The following CCSER1 variants were observed in gnomAD, a reference collection of about 807,000 sequenced individuals.
The protein encoded by CCSER1 is serine-rich coiled-coil domain-containing protein 1.
Under a neutral mutation model 82.0 loss-of-function variants are expected in CCSER1, and 41 were observed. The observed-to-expected ratio is 0.50, with a 90% CI of 0.39 to 0.65. CCSER1 has a LOEUF of 0.65. Ranked by LOEUF, CCSER1 falls within the 30% of genes least tolerant of loss-of-function variation. The probability of loss-of-function intolerance (pLI) is 0.00; values close to 1 mark genes in which losing one functional copy is unlikely to be tolerated. For synonymous variants in CCSER1, 414 were observed against 383.9 expected (o/e 1.08, Z -0.92); for missense variants, 1,119 against 1,064.2 (o/e 1.05, Z -0.72).
intron 10 of CCSER1, among the ~76,000 whole-genome samples, chr4:91,568,947 C>T (rs1488713591): frequency 6.6e-6 from 1 of 152,160 alleles, no homozygotes; most frequent in African/African-American, 2.4e-5. Flanking sequence ...AGTTCTTGCA[C>T]TGGTTCTTTC....
intron 10 of CCSER1, among the ~76,000 whole-genome samples, chr4:91,135,996 A>G (rs1728434060): frequency 6.6e-6 from 1 of 152,162 alleles, no homozygotes; most frequent in Non-Finnish European, 1.5e-5. Context: ...TGAAAATTTT[A>G]TTCTTATCAC....
At chr4:91,567,330 TGTG>T (rs1306989118) in intron 10 of CCSER1, among the ~76,000 whole-genome samples, 1 of 152,126 alleles carries the variant, frequency 6.6e-6, no homozygotes, top group African/African-American at 2.4e-5. Flanking sequence ...GTATGTGCCA[TGTG>T]GTGATGAGAA....
chr4:90,137,894 A>G (rs1254541657), intron 1 of CCSER1, among the ~76,000 whole-genome samples: 3 of 152,198 alleles, frequency 2.0e-5, no homozygotes, highest in East Asian at 3.9e-4. Context: ...AGGCCCTTCA[A>G]AGTTCTTTTT....
chr4:91,486,434 G>A (rs965303773), intron 10 of CCSER1, among the ~76,000 whole-genome samples: 6 of 151,816 alleles, frequency 4.0e-5, no homozygotes, highest in African/African-American at 1.2e-4. Flanking sequence ...TTCAAAAAAG[G>A]AACTATTTCA....
intron 10 of CCSER1, among the ~76,000 whole-genome samples, chr4:91,286,257 A>G (rs1366723692): frequency 6.6e-6 from 1 of 151,808 alleles, no homozygotes. Context: ...TATAGCTTTT[A>G]ATTAACAGGC....
At chr4:91,104,413 C>A (rs1186578439) in intron 10 of CCSER1, among the ~76,000 whole-genome samples, 1 of 152,170 alleles carries the variant, frequency 6.6e-6, no homozygotes, top group Non-Finnish European at 1.5e-5. Context: ...TGATGTCACC[C>A]CTGGCAGCCC....
chr4:90,335,484 A>G (rs1178923627), intron 3 of CCSER1, among the ~76,000 whole-genome samples: 5 of 152,174 alleles, frequency 3.3e-5, no homozygotes, highest in African/African-American at 7.2e-5. Flanking sequence ...AGACCTTAAG[A>G]TGTTTTTCCT....
At chr4:90,162,379 G>T (rs1297515193) in intron 1 of CCSER1, among the ~76,000 whole-genome samples, 1 of 151,996 alleles carries the variant, frequency 6.6e-6, no homozygotes, top group African/African-American at 2.4e-5. Flanking sequence ...GTACTCAGAT[G>T]CCTTCCTCCT....
intron 10 of CCSER1, among the ~76,000 whole-genome samples, chr4:91,258,515 T>C (rs749968374): frequency 6.6e-6 from 1 of 152,042 alleles, no homozygotes; most frequent in Non-Finnish European, 1.5e-5. Flanking sequence ...ATAACCTGCA[T>C]TAGTAAAGCA....
At chr4:90,979,114 C>G (rs1735873266) in intron 9 of CCSER1, among the ~76,000 whole-genome samples, 1 of 151,268 alleles carries the variant, frequency 6.6e-6, no homozygotes, top group Non-Finnish European at 1.5e-5. Context: ...TAATTATGCA[C>G]TGCTTTATTT....
At chr4:90,937,802 G>A (rs938397764) in intron 9 of CCSER1, among the ~76,000 whole-genome samples, 6 of 151,988 alleles carry the variant, frequency 3.9e-5, no homozygotes, top group African/African-American at 9.7e-5. Flanking sequence ...ATTGGACAAC[G>A]CAAACAAGGA....
chr4:91,317,899 G>A lies in CCSER1; in HGVS notation c.2217+231905G>A, dbSNP rs376285329. Reference sequence around the variant, plus strand: ...GAGTGAAAGCTGCTAATGAAACCCTGGGTGAGAGCATCCAGTACACCCACT... The same window carrying A: ...GAGTGAAAGCTGCTAATGAAACCCTAGGTGAGAGCATCCAGTACACCCACT... On this transcript the variant is annotated intron_variant, in intron 10 of 10. Transcript: ENST00000509176. Among the ~76,000 whole-genome samples the A allele has an allele frequency of 2.6e-4, 39 of 152,018 alleles. No individual in the cohort carries two copies. The East Asian group carries it at 6.8e-3, about 27-fold the overall frequency.
chr4:90,713,188 A>T (rs116375223), intron 6 of CCSER1, among the ~76,000 whole-genome samples: 2,693 of 152,078 alleles, frequency 0.018, 64 homozygotes, highest in African/African-American at 0.055. Context: ...CGTCATAATG[A>T]TGCTAGCTGG....
intron 5 of CCSER1, among the ~76,000 whole-genome samples, chr4:90,614,281 C>T (rs147701153): frequency 6.6e-6 from 1 of 152,200 alleles, no homozygotes; most frequent in East Asian, 1.9e-4. Flanking sequence ...TCTCCCTGTC[C>T]TCAGGCCTCC....
chr4:91,431,453 C>G (rs1287734739), intron 10 of CCSER1, among the ~76,000 whole-genome samples: 3 of 152,118 alleles, frequency 2.0e-5, no homozygotes, highest in African/African-American at 4.8e-5. Context: ...TATACATACA[C>G]AGCATTTCTT....
intron 5 of CCSER1, among the ~76,000 whole-genome samples, chr4:90,582,414 CTACTATTA>C (rs1781506612): frequency 6.6e-6 from 1 of 151,956 alleles, no homozygotes; most frequent in African/African-American, 2.4e-5. Flanking sequence ...ATTTCTTTAC[CTACTATTA>C]TATTAATAAC....
At chr4:90,231,552 A>G (rs1288037590) in intron 1 of CCSER1, among the ~76,000 whole-genome samples, 1 of 144,032 alleles carries the variant, frequency 6.9e-6, no homozygotes, top group Non-Finnish European at 1.5e-5. Context: ...TTCCCTTTGA[A>G]AACTGGCACA....
intron 10 of CCSER1, among the ~76,000 whole-genome samples, chr4:91,092,200 G>A (rs1724035412): frequency 6.6e-6 from 1 of 152,150 alleles, no homozygotes; most frequent in African/African-American, 2.4e-5. Context: ...GCGGCATGTA[G>A]CTTCCAAGTG....
At chr4:90,732,694 C>T (rs765308553) in intron 7 of CCSER1, among the ~76,000 whole-genome samples, 1 of 152,074 alleles carries the variant, frequency 6.6e-6, no homozygotes, top group African/African-American at 2.4e-5. Flanking sequence ...TGCAAGTGGG[C>T]CTTTCTAAGC....
Sources: gnomAD v4.1 joint callset for allele counts (sites outside exome capture counted in the v4.1 genomes callset) on GRCh38, gnomAD v4.1.1 for gene constraint, MANE v1.5 for transcripts, NCBI Gene and HGNC (gene_info 2026-07-23, HGNC 2026-07-21) for gene names.